The following CDK17 variants were observed in gnomAD, a reference collection of about 807,000 sequenced individuals.
CDK17 encodes cyclin-dependent kinase 17.
CDK17 carries 24 observed loss-of-function variants against 77.6 expected under a neutral mutation model. The ratio of observed to expected loss-of-function variants is 0.31; its 90% CI spans 0.22 to 0.44. The LOEUF is 0.44. CDK17 is among the 20% of genes least tolerant of loss of function. The pLI is 1.00. For missense variants in CDK17, 429 were observed against 622.5 expected (o/e 0.69, Z 3.31); for synonymous variants, 203 against 210.4 (o/e 0.96, Z 0.30).
chr12:96,292,394 C>T (rs1952336740), intron 10 of CDK17, among the ~76,000 whole-genome samples: 1 of 151,990 alleles, frequency 6.6e-6, no homozygotes, highest in Admixed American at 6.6e-5. Context: ...TTGCTTGAGG[C>T]CAGGAGTTCG....
chr12:96,301,352 T>C (rs1329355645), intron 5 of CDK17, among the ~76,000 whole-genome samples: 4 of 151,630 alleles, frequency 2.6e-5, no homozygotes, highest in Non-Finnish European at 4.4e-5. Flanking sequence ...CTATTGTGTA[T>C]GGAGATGATA....
chr12:96,397,259 C>T (rs1194555674), intron 1 of CDK17, among the ~76,000 whole-genome samples: 1 of 152,044 alleles, frequency 6.6e-6, no homozygotes, highest in Non-Finnish European at 1.5e-5. Flanking sequence ...ATAGCTATCC[C>T]TGTGCTACCG....
chr12:96,285,194 C>T (rs750092924), intron 13 of CDK17, among the ~76,000 whole-genome samples: 2 of 152,158 alleles, frequency 1.3e-5, no homozygotes, highest in Non-Finnish European at 2.9e-5. Context: ...AAAAAAAGCC[C>T]AGCAAGTATT....
intron 1 of CDK17, among the ~76,000 whole-genome samples, chr12:96,348,457 G>T (rs1289420418): frequency 6.7e-6 from 1 of 149,120 alleles, no homozygotes; most frequent in Non-Finnish European, 1.5e-5. Context: ...CTGGGAGGTG[G>T]AGGTTGCAGC....
At chr12:96,358,763 T>G (rs1225535051) in intron 1 of CDK17, among the ~76,000 whole-genome samples, 1 of 152,148 alleles carries the variant, frequency 6.6e-6, no homozygotes, top group Non-Finnish European at 1.5e-5. Flanking sequence ...AGGCGAAGGC[T>G]GCAGTGAGCT....
chr12:96,345,398 G>A (rs910685025), intron 1 of CDK17, among the ~76,000 whole-genome samples: 9 of 152,144 alleles, frequency 5.9e-5, no homozygotes, highest in Non-Finnish European at 1.3e-4. Flanking sequence ...TTGAGGAATC[G>A]CCACACTGTC....
At chr12:96,379,925 T>C (rs780813165) in intron 1 of CDK17, among the ~76,000 whole-genome samples, 1 of 151,964 alleles carries the variant, frequency 6.6e-6, no homozygotes, top group South Asian at 2.1e-4. Flanking sequence ...TCCCAGCACT[T>C]TGAAAGGCCA....
intron 3 of CDK17, among the ~76,000 whole-genome samples, chr12:96,318,152 G>A (rs918736868): frequency 4.0e-5 from 6 of 149,840 alleles, no homozygotes; most frequent in African/African-American, 1.5e-4. Flanking sequence ...TGCAATCCTA[G>A]TCTCTGATAA....
chr12:96,280,922 TA>T (rs756081386), intron 15 of CDK17, 37 bp from the exon 16 acceptor site: 4 of 1,535,188 alleles, frequency 2.6e-6, no homozygotes, highest in Non-Finnish European at 3.6e-6. Context: ...GGTGAAGGTC[TA>T]ACATTAAAAC....
Position 96,286,567 on chromosome 12 carries a change from C to T in CDK17, c.1216+97G>A. ...AACTAACAGCTGTTTATGTTAGTCT[C>T]AGTATCTAATTTTAAAATATGTATT... On this transcript the variant is annotated intron_variant, in intron 12 of 16. Transcript: ENST00000261211. 3.9e-6 allele frequency: 3 copies of T among 776,640 alleles called. 1 individual carries two copies. The South Asian group carries it at 5.2e-5, about 13-fold the overall frequency. 48.1% of individuals were successfully genotyped at this position (776,640 alleles called of 1,614,324 possible).
At chr12:96,286,173 A>G (rs1293925741) in intron 12 of CDK17, 25 bp from the exon 13 acceptor site, 3 of 570,568 alleles carry the variant, frequency 5.3e-6, no homozygotes, top group Non-Finnish European at 7.9e-6. Flanking sequence ...AAAATTAAAT[A>G]TATTTATAAA....
At chr12:96,374,131 C>G (rs563039745) in intron 1 of CDK17, among the ~76,000 whole-genome samples, 55 of 152,306 alleles carry the variant, frequency 3.6e-4, no homozygotes, top group African/African-American at 1.3e-3. Context: ...AACCCTCTTT[C>G]CCCATTAACA....
intron 1 of CDK17, among the ~76,000 whole-genome samples, chr12:96,339,045 C>A (rs1008621591): frequency 5.3e-5 from 8 of 152,190 alleles, no homozygotes; most frequent in East Asian, 1.9e-4. Flanking sequence ...GACATCACCA[C>A]TTCAGAATCT....
At chr12:96,291,463 GA>G in intron 10 of CDK17, among the ~76,000 whole-genome samples, 1 of 151,954 alleles carries the variant, frequency 6.6e-6, no homozygotes, top group African/African-American at 2.4e-5. Flanking sequence ...GGCTAATTTT[GA>G]AATTTTTTAT....
Position 96,286,701 on chromosome 12 carries a change from G to A in CDK17, c.1179C>T (p.Thr393=), listed in dbSNP as rs140477916. 26 of 1,613,220 alleles carry A rather than the reference G, an allele frequency of 1.6e-5. No homozygotes were observed. The African/African-American group carries it at 2.9e-4, about 18-fold the overall frequency. The change falls in exon 12 of 17, where the codon ACC becomes ACT. Residue 393 remains threonine, a synonymous_variant. Transcript: ENST00000261211. ...AAATTAAGTGCAGTTCATCTTCCAC[G>A]GTTGATCCTGGAAATAAAGGTCTTC... ...ASGRPLFPGS[T]VEDELHLIFR...
intron 1 of CDK17, among the ~76,000 whole-genome samples, chr12:96,346,082 G>A (rs554857234): frequency 6.6e-6 from 1 of 152,320 alleles, no homozygotes; most frequent in South Asian, 2.1e-4. Context: ...CCAGGACTTT[G>A]GGAAGTGGGT....
chr12:96,360,037 G>A (rs1282286086), intron 1 of CDK17, among the ~76,000 whole-genome samples: 1 of 152,128 alleles, frequency 6.6e-6, no homozygotes, highest in Non-Finnish European at 1.5e-5. Flanking sequence ...AAGGTATTAA[G>A]ACAGAAATGA....
chr12:96,380,938 AG>A (rs1403353012), intron 1 of CDK17, among the ~76,000 whole-genome samples: 2 of 152,140 alleles, frequency 1.3e-5, no homozygotes, highest in South Asian at 2.1e-4. Context: ...TATCCTACCT[AG>A]GAAGTGGTTC....
At chr12:96,367,497 T>G (rs1001303150) in intron 1 of CDK17, among the ~76,000 whole-genome samples, 1 of 152,060 alleles carries the variant, frequency 6.6e-6, no homozygotes, top group South Asian at 2.1e-4. Flanking sequence ...GAATTATACT[T>G]AATGAACTAG....
Sources: gnomAD v4.1 joint callset for allele counts (sites outside exome capture counted in the v4.1 genomes callset) on GRCh38, gnomAD v4.1.1 for gene constraint, MANE v1.5 for transcripts, NCBI Gene and HGNC (gene_info 2026-07-23, HGNC 2026-07-21) for gene names.